RALY: variants seen among roughly 807,000 people sequenced by gnomAD.
RALY encodes RNA-binding protein Raly.
Under a neutral mutation model 30.7 loss-of-function variants are expected in RALY, and 15 were observed. That is an observed-to-expected ratio of 0.49 (90% CI 0.33 to 0.75). The LOEUF is 0.75. RALY is among the 30% of genes least tolerant of loss of function. The probability of loss-of-function intolerance (pLI) is 0.02; values close to 1 mark genes in which losing one functional copy is unlikely to be tolerated. For synonymous variants in RALY, 177 were observed against 170.8 expected, an observed-to-expected ratio of 1.04 and a Z score of -0.28; for missense variants, 339 against 414.3, an observed-to-expected ratio of 0.82 and a Z score of 1.58.
At chr20:34,021,106 C>T (rs754910312) in intron 1 of RALY, among the ~76,000 whole-genome samples, 11 of 152,214 alleles carry the variant, frequency 7.2e-5, no homozygotes, top group East Asian at 1.9e-4. Flanking sequence ...GGATTACAGG[C>T]GTGCACCACC....
chr20:33,999,267 TGAGGACACAGGA>T (rs1376612793), intron 1 of RALY, among the ~76,000 whole-genome samples: 1 of 152,020 alleles, frequency 6.6e-6, no homozygotes, highest in Non-Finnish European at 1.5e-5. Context: ...TTTATTGAGG[TGAGGACACAGGA>T]GAAGAAGGAG....
chr20:34,001,018 A>T (rs1452176458), intron 1 of RALY, among the ~76,000 whole-genome samples: 1 of 152,222 alleles, frequency 6.6e-6, no homozygotes, highest in East Asian at 1.9e-4. Context: ...AAGTATTGAG[A>T]GTATCTCAGA....
intron 5 of RALY, 108 bp downstream of exon 5, chr20:34,073,974 A>T: frequency 4.6e-6 from 6 of 1,299,216 alleles, no homozygotes; most frequent in Non-Finnish European, 6.5e-6. Flanking sequence ...CAAAACCCAG[A>T]GGTTTGCCTG....
intron 1 of RALY, among the ~76,000 whole-genome samples, chr20:34,019,527 C>T (rs1425514207): frequency 2.6e-5 from 4 of 152,086 alleles, no homozygotes; most frequent in Non-Finnish European, 4.4e-5. Context: ...TGCTGTGGGT[C>T]GTCTCACATT....
At chr20:34,027,044 C>T (rs1390692960) in intron 1 of RALY, among the ~76,000 whole-genome samples, 2 of 152,132 alleles carry the variant, frequency 1.3e-5, no homozygotes, top group Non-Finnish European at 2.9e-5. Flanking sequence ...GTTCATAAGA[C>T]CCTAATCCTG....
chr20:33,995,692 AG>A (rs1197220615), intron 1 of RALY, among the ~76,000 whole-genome samples: 1 of 152,146 alleles, frequency 6.6e-6, no homozygotes, highest in Non-Finnish European at 1.5e-5. Context: ...GGGAGCTGAA[AG>A]GGGTCTTACC....
chr20:33,996,026 TAGTTCTCGTA>T (rs1190961405), intron 1 of RALY, among the ~76,000 whole-genome samples: 1 of 152,234 alleles, frequency 6.6e-6, no homozygotes, highest in African/African-American at 2.4e-5. Flanking sequence ...ACAGGTGTAC[TAGTTCTCGTA>T]AGTCACCACT....
chr20:33,995,530 T>C lies in RALY; in HGVS notation c.-93+1399T>C, dbSNP rs2030574788. On this transcript the variant is annotated intron_variant, in intron 1 of 9. Transcript: ENST00000246194. Reference sequence around the variant, plus strand: ...TAACTTTGGCAAATGTTCCAGTTTTTCAATGTGATCCGGTTGGAGGGAGTG... The same window carrying C: ...TAACTTTGGCAAATGTTCCAGTTTTCCAATGTGATCCGGTTGGAGGGAGTG... Among the ~76,000 whole-genome samples the C allele has an allele frequency of 2.0e-5, 3 of 152,346 alleles. No individual in the cohort carries two copies. In the East Asian group the frequency reaches 5.8e-4, roughly 29 times the overall value.
intron 2 of RALY, among the ~76,000 whole-genome samples, chr20:34,034,591 A>G (rs1285271966): frequency 6.6e-6 from 1 of 152,250 alleles, no homozygotes; most frequent in Non-Finnish European, 1.5e-5. Flanking sequence ...CTACCCATAT[A>G]ATAGCTTATT....
intron 2 of RALY, among the ~76,000 whole-genome samples, chr20:34,043,769 T>G: frequency 6.6e-6 from 1 of 152,156 alleles, no homozygotes; most frequent in Non-Finnish European, 1.5e-5. Flanking sequence ...TGATAAAACT[T>G]TGTGCTCGGC....
chr20:34,038,409 A>G (rs1175738544), intron 2 of RALY, among the ~76,000 whole-genome samples: 2 of 152,120 alleles, frequency 1.3e-5, no homozygotes, highest in Non-Finnish European at 2.9e-5. Context: ...TGAGTGAGAG[A>G]TGAATAAAGG....
intron 2 of RALY, among the ~76,000 whole-genome samples, chr20:34,037,932 G>T (rs2032561426): frequency 1.3e-5 from 2 of 152,296 alleles, no homozygotes; most frequent in South Asian, 4.2e-4. Flanking sequence ...TATCTGTGGG[G>T]GAGGCTGCCA....
chr20:34,064,207 C>G (rs2033501168), intron 2 of RALY, among the ~76,000 whole-genome samples: 2 of 152,152 alleles, frequency 1.3e-5, no homozygotes, highest in South Asian at 2.1e-4. Flanking sequence ...CTACCCATCC[C>G]TCCTTAACTT....
chr20:34,056,894 T>C (rs1335781096), intron 2 of RALY, among the ~76,000 whole-genome samples: 1 of 152,242 alleles, frequency 6.6e-6, no homozygotes, highest in Non-Finnish European at 1.5e-5. Context: ...AAAATGTTCA[T>C]ATATTTGACC....
rs1317561329 is a variant in RALY, at chr20:34,084,159, C to T, written c.*4254C>T. 6.6e-6 allele frequency: 1 copy of T among 152,164 alleles called. No individual in the cohort carries two copies. Among genetic ancestry groups the T allele is most frequent in the Non-Finnish European group, 1.5e-5 (1 of 68,050 alleles). The allele number at this position is 152,164 out of a possible 1,614,324, so 9.4% of individuals were successfully genotyped here. ...ATGGGGACTTGGGTTCAAAAGCTGC[C>T]ATCGAGAATCCGGTTAGCCAGGCAT... On this transcript the variant is annotated 3_prime_UTR_variant, in exon 10 of 10. Transcript: ENST00000246194.
At chr20:34,071,946 G>A in intron 2 of RALY, 120 bp from the exon 3 acceptor site, 1 of 1,127,510 alleles carries the variant, frequency 8.9e-7, no homozygotes, top group Non-Finnish European at 1.3e-6. Flanking sequence ...GGAACAGGTA[G>A]GCTGGATGCT....
chr20:34,033,916 T>C (rs2032378089), intron 2 of RALY, among the ~76,000 whole-genome samples: 1 of 152,182 alleles, frequency 6.6e-6, no homozygotes, highest in South Asian at 2.1e-4. Context: ...GCTTAGTCTT[T>C]CCATAAGGAA....
intron 1 of RALY, among the ~76,000 whole-genome samples, chr20:34,025,301 C>G (rs1217761878): frequency 1.4e-5 from 1 of 72,152 alleles, no homozygotes; most frequent in Non-Finnish European, 2.7e-5. Flanking sequence ...ACGTCTCTCT[C>G]TCTCTCTCTT....
chr20:34,033,706 T>G (rs1241252509), intron 2 of RALY, among the ~76,000 whole-genome samples: 2 of 152,124 alleles, frequency 1.3e-5, no homozygotes, highest in African/African-American at 4.8e-5. Context: ...GCCTTAAACA[T>G]TGGGGATCAG....
Sources: gnomAD v4.1 joint callset for allele counts (sites outside exome capture counted in the v4.1 genomes callset) on GRCh38, gnomAD v4.1.1 for gene constraint, MANE v1.5 for transcripts, NCBI Gene and HGNC (gene_info 2026-07-23, HGNC 2026-07-21) for gene names.